Variants in ZFX observed in about 807,000 individuals in gnomAD.
ZFX encodes the protein zinc finger protein X-linked.
For synonymous variants in ZFX, 196 were observed against 226.8 expected (o/e 0.86, Z 1.22); for missense variants, 362 against 628.3 (o/e 0.58, Z 4.53).
intron 6 of ZFX, 74 bp downstream of exon 6, chrX:24,207,549 T>C (rs1937680193): frequency 1.7e-6 from 2 of 1,145,620 alleles, no homozygotes; most frequent in Admixed American, 2.6e-5. Flanking sequence ...GTTATTTAGA[T>C]TGAGAACATT....
At chrX:24,159,346 T>C (rs1569123738) in intron 3 of ZFX, among the ~76,000 whole-genome samples, 1 of 112,799 alleles carries the variant, frequency 8.9e-6, no homozygotes, top group Non-Finnish European at 1.9e-5. Context: ...ATCTTTGTTA[T>C]TGCCATGTAC....
intron 3 of ZFX, among the ~76,000 whole-genome samples, chrX:24,165,122 CT>C (rs1933872130): frequency 1.3e-5 from 1 of 79,855 alleles, no homozygotes; most frequent in Non-Finnish European, 2.4e-5. Flanking sequence ...AAAATATTTT[CT>C]TTTCTTTCTT....
chrX:24,155,496 A>G (rs1454690126), intron 3 of ZFX, among the ~76,000 whole-genome samples: 5 of 112,152 alleles, frequency 4.5e-5, no homozygotes, highest in Non-Finnish European at 9.4e-5. Flanking sequence ...TTCAAACACT[A>G]CTGCTATGAA....
chrX:24,194,661 T>C (rs1024608028), intron 5 of ZFX, among the ~76,000 whole-genome samples: 1 of 111,799 alleles, frequency 8.9e-6, no homozygotes, highest in African/African-American at 3.3e-5. Flanking sequence ...TTAGACTATA[T>C]TTAGAAGTTT....
At chrX:24,188,427 AGAT>A (rs1288397024) in intron 5 of ZFX, among the ~76,000 whole-genome samples, 2 of 111,584 alleles carry the variant, frequency 1.8e-5, no homozygotes, top group Non-Finnish European at 3.8e-5. Context: ...AAATAATTTG[AGAT>A]GAACTCAATC....
chrX:24,171,336 GTTGAGCA>G (rs767998371), intron 3 of ZFX, among the ~76,000 whole-genome samples: 102 of 111,252 alleles, frequency 9.2e-4, no homozygotes, highest in African/African-American at 3.1e-3. Flanking sequence ...TTATGGGGAT[GTTGAGCA>G]TTTTTGTTTG....
chrX:24,212,967 C>T lies in ZFX; in HGVS notation c.*1591C>T, dbSNP rs1390660494. ...CTGGACTGCAGTGGTGTGATCACTGCAACCTCTGCAGCTCACTGCAACCTC... is the reference window on the plus strand; with the variant it reads ...CTGGACTGCAGTGGTGTGATCACTGTAACCTCTGCAGCTCACTGCAACCTC... On this transcript the variant is annotated 3_prime_UTR_variant, in exon 10 of 10. Coordinates refer to ENST00000304543, the MANE Select transcript of ZFX (RefSeq NM_003410.4). 3 of 110,355 alleles carry T rather than the reference C, an allele frequency of 2.7e-5. No homozygotes were observed. The highest frequency in any genetic ancestry group is 5.7e-5 in the Non-Finnish European group (3 of 52,798). The allele number at this position is 110,355 out of a possible 1,213,427, so 9.1% of individuals were successfully genotyped here.
In ZFX at chrX:24,211,541, G is replaced by A. The variant is rs192618174; in HGVS notation, c.*165G>A. 2.5e-4 allele frequency: 150 copies of A among 590,293 alleles called. No individual in the cohort carries two copies. The African/African-American group carries it at 3.0e-3, about 12-fold the overall frequency. 48.6% of individuals were successfully genotyped at this position (590,293 alleles called of 1,213,427 possible). ...TTTTTTTAAATATACATTTTGCTCA[G>A]TAGTGTGTTCTGAATTCTATTCAGT... On this transcript the variant is annotated 3_prime_UTR_variant, in exon 10 of 10. Transcript: ENST00000304543.
chrX:24,156,105 C>T (rs1466540738), intron 3 of ZFX, among the ~76,000 whole-genome samples: 4 of 111,732 alleles, frequency 3.6e-5, no homozygotes, highest in African/African-American at 1.3e-4. Flanking sequence ...CCATGTTGGC[C>T]AGGCTTGTCT....
Position 24,156,041 on chromosome X carries a change from C to T in ZFX, c.-29+3211C>T, listed in dbSNP as rs947173321. Among the ~76,000 whole-genome samples the T allele has an allele frequency of 7.2e-5, 8 of 111,602 alleles. No individual in the cohort carries two copies. The East Asian group carries it at 8.4e-4, about 12-fold the overall frequency. ...CCTCCTGAGTAGCTGGGATAACAGA[C>T]GCCTGCCACCATGCCCGGTTAATTT... On this transcript the variant is annotated intron_variant, in intron 3 of 9. Coordinates refer to ENST00000304543, the MANE Select transcript of ZFX (RefSeq NM_003410.4).
chrX:24,189,477 A>G (rs1209157290), intron 5 of ZFX, among the ~76,000 whole-genome samples: 1 of 112,202 alleles, frequency 8.9e-6, no homozygotes, highest in Non-Finnish European at 1.9e-5. Flanking sequence ...CTTTGGTCAT[A>G]GTAGACATCC....
At chrX:24,153,557 C>T (rs767573310) in intron 3 of ZFX, among the ~76,000 whole-genome samples, 1 of 111,454 alleles carries the variant, frequency 9.0e-6, no homozygotes, top group Non-Finnish European at 1.9e-5. Flanking sequence ...TCTTTGCACC[C>T]CACTTATTCT....
rs1340290547 is a variant in ZFX, at chrX:24,211,710, C to T, written c.*334C>T. 1.2e-5 allele frequency: 2 copies of T among 163,949 alleles called. No homozygotes were observed. Among genetic ancestry groups the T allele is most frequent in the South Asian group, 1.9e-4 (1 of 5,314 alleles). 13.5% of individuals were successfully genotyped at this position (163,949 alleles called of 1,213,427 possible). On this transcript the variant is annotated 3_prime_UTR_variant, in exon 10 of 10. Transcript: ENST00000304543. Reference sequence around the variant, plus strand: ...TTACCTTGATGGTACTCTTCTAAGACCATTAACTTAAGGTAACTTTATATT... The same window carrying T: ...TTACCTTGATGGTACTCTTCTAAGATCATTAACTTAAGGTAACTTTATATT...
At chrX:24,189,876 A>G (rs1936419769) in intron 5 of ZFX, among the ~76,000 whole-genome samples, 1 of 111,605 alleles carries the variant, frequency 9.0e-6, no homozygotes, top group Admixed American at 9.5e-5. Flanking sequence ...ATTATTGGCT[A>G]GGTATGTATT....
At chrX:24,202,073 C>T (rs886092591) in intron 5 of ZFX, among the ~76,000 whole-genome samples, 2 of 111,970 alleles carry the variant, frequency 1.8e-5, no homozygotes, top group Non-Finnish European at 3.8e-5. Flanking sequence ...TGCATTATCA[C>T]CTTCCCTGCT....
chrX:24,174,812 C>T (rs1160015981), intron 4 of ZFX, among the ~76,000 whole-genome samples: 1 of 111,042 alleles, frequency 9.0e-6, no homozygotes, highest in Non-Finnish European at 1.9e-5. Context: ...CTCCTGTGCT[C>T]AAGGGATCCT....
At chrX:24,158,213 G>C (rs1175871042) in intron 3 of ZFX, among the ~76,000 whole-genome samples, 1 of 110,580 alleles carries the variant, frequency 9.0e-6, no homozygotes, top group Non-Finnish European at 1.9e-5. Context: ...GTAAAATAAG[G>C]GTACAGCTTA....
intron 4 of ZFX, among the ~76,000 whole-genome samples, chrX:24,174,435 C>T (rs1934948762): frequency 2.0e-5 from 2 of 102,134 alleles, no homozygotes; most frequent in Admixed American, 1.1e-4. Context: ...TACTCTGTCA[C>T]CAGGCTGGAG....
intron 4 of ZFX, 65 bp from the exon 5 acceptor site, chrX:24,179,118 A>G: frequency 1.0e-6 from 1 of 966,415 alleles, no homozygotes; most frequent in East Asian, 3.1e-5. Flanking sequence ...AAATTAAGTA[A>G]CATTTACGTT....
Sources: allele counts gnomAD v4.1 joint callset (sites outside exome capture counted in the v4.1 genomes callset), GRCh38; gene constraint gnomAD v4.1.1; transcripts MANE v1.5; gene names NCBI Gene and HGNC (gene_info 2026-07-23, HGNC 2026-07-21).